KCNQ5: variants seen among roughly 807,000 people sequenced by gnomAD.
KCNQ5 encodes the protein potassium voltage-gated channel subfamily KQT member 5.
In KCNQ5, 30 loss-of-function variants were observed where a neutral mutation model predicts 98.2. The ratio of observed to expected loss-of-function variants is 0.31; its 90% CI spans 0.23 to 0.41. The LOEUF is 0.41. KCNQ5 is among the 10% of genes least tolerant of loss of function. The pLI is 1.00. For missense variants in KCNQ5, 835 were observed against 1,182.5 expected, an observed-to-expected ratio of 0.71 and a Z score of 4.31; for synonymous variants, 458 against 449.4, an observed-to-expected ratio of 1.02 and a Z score of -0.24.
chr6:73,198,213 G>C lies in KCNQ5; in HGVS notation c.*2799G>C, dbSNP rs1453805784. 6.6e-6 allele frequency: 1 copy of C among 152,128 alleles called. No individual in the cohort carries two copies. Among genetic ancestry groups the C allele is most frequent in the African/African-American group, 2.4e-5 (1 of 41,412 alleles). The allele number at this position is 152,128 out of a possible 1,614,324, so 9.4% of individuals were successfully genotyped here. A position where few individuals can be genotyped will look rare whatever the true frequency, so the allele number is the denominator to read the frequency against. On this transcript the variant is annotated 3_prime_UTR_variant, in exon 14 of 14. Transcript: ENST00000370398. ...GTGTCTGCCTTCTTCAACATGTAGG[G>C]TTGATCAAGCTAATACTTAATTGCA... is the stretch of plus-strand genomic sequence containing the variant.
intron 1 of KCNQ5, among the ~76,000 whole-genome samples, chr6:72,977,465 T>G (rs980220006): frequency 4.6e-5 from 7 of 152,168 alleles, no homozygotes; most frequent in African/African-American, 1.7e-4. Context: ...AAAAGCCAGA[T>G]GAATGAGTCT....
chr6:72,653,882 C>T (rs1766001588), intron 1 of KCNQ5, among the ~76,000 whole-genome samples: 1 of 151,940 alleles, frequency 6.6e-6, no homozygotes, highest in African/African-American at 2.4e-5. Flanking sequence ...TATCTTTGTA[C>T]TCAATAAATA....
At chr6:72,821,324 CA>C (rs746170459) in intron 1 of KCNQ5, among the ~76,000 whole-genome samples, 17 of 152,176 alleles carry the variant, frequency 1.1e-4, no homozygotes, top group Non-Finnish European at 1.6e-4. Flanking sequence ...AGAAGGAATA[CA>C]AGAGATCCAT....
intron 1 of KCNQ5, among the ~76,000 whole-genome samples, chr6:72,878,430 C>T (rs902064694): frequency 6.6e-6 from 1 of 151,872 alleles, no homozygotes; most frequent in Non-Finnish European, 1.5e-5. Context: ...GCTTTTTTTC[C>T]CCCCTTACAG....
rs143690965 is a variant in KCNQ5 at position 72,670,645 on chromosome 6, G to C, written c.398+48058G>C. 2.8e-3 allele frequency among the ~76,000 whole-genome samples: 420 copies of C among 152,336 alleles called. 2 individuals carry two copies. In the Middle Eastern group the frequency reaches 0.037, roughly 14 times the overall value. On this transcript the variant is annotated intron_variant, in intron 1 of 13. Coordinates refer to ENST00000370398, the MANE Select transcript of KCNQ5 (RefSeq NM_019842.4). ...ACAGTTCTGGATGCTAGAAGTCCCA[G>C]AGTGAGGTGCCAGCCAGTTCGGTTC...
chr6:73,129,354 A>T (rs1582410930), intron 9 of KCNQ5, among the ~76,000 whole-genome samples: 1 of 152,368 alleles, frequency 6.6e-6, no homozygotes, highest in Non-Finnish European at 1.5e-5. Flanking sequence ...TATATCAACT[A>T]TAAATGCAGA....
intron 1 of KCNQ5, among the ~76,000 whole-genome samples, chr6:72,912,528 T>A (rs1394924876): frequency 1.3e-5 from 2 of 152,230 alleles, no homozygotes; most frequent in Admixed American, 6.5e-5. Context: ...GTTACCATAC[T>A]AATTTGGGTT....
intron 5 of KCNQ5, among the ~76,000 whole-genome samples, chr6:73,095,858 G>A (rs1304918271): frequency 2.0e-5 from 3 of 152,150 alleles, no homozygotes; most frequent in Non-Finnish European, 2.9e-5. Flanking sequence ...TTCCTGCAGG[G>A]GGTCTGTGGG....
intron 1 of KCNQ5, among the ~76,000 whole-genome samples, chr6:72,746,860 A>G (rs960447838): frequency 6.6e-6 from 1 of 152,182 alleles, no homozygotes; most frequent in Non-Finnish European, 1.5e-5. Flanking sequence ...TATACCATAC[A>G]TTATAGATAC....
intron 1 of KCNQ5, among the ~76,000 whole-genome samples, chr6:72,661,752 T>C (rs1020011438): frequency 3.9e-5 from 6 of 152,172 alleles, no homozygotes; most frequent in African/African-American, 1.4e-4. Context: ...TTGGTCAGTT[T>C]ATTTAATCTC....
intron 1 of KCNQ5, among the ~76,000 whole-genome samples, chr6:72,868,392 A>G (rs1472938862): frequency 6.6e-6 from 1 of 152,200 alleles, no homozygotes; most frequent in East Asian, 1.9e-4. Context: ...TGGGTCTCTA[A>G]GCCCCAAGAA....
chr6:72,632,388 G>C (rs12205254), intron 1 of KCNQ5, among the ~76,000 whole-genome samples: 23,973 of 151,840 alleles, frequency 0.16, 2,103 homozygotes, highest in Middle Eastern at 0.24. Context: ...TGATCCGCCC[G>C]CCTCAGCCTC....
At chr6:73,006,700 T>G (rs2150325464) in intron 2 of KCNQ5, among the ~76,000 whole-genome samples, 1 of 152,224 alleles carries the variant, frequency 6.6e-6, no homozygotes, top group South Asian at 2.1e-4. Context: ...GTACAATAAA[T>G]CCACATTTGT....
At chr6:72,857,905 T>C (rs1777597639) in intron 1 of KCNQ5, among the ~76,000 whole-genome samples, 1 of 152,236 alleles carries the variant, frequency 6.6e-6, no homozygotes. Flanking sequence ...GAATGCCTAC[T>C]ATGTGCTGGG....
intron 1 of KCNQ5, among the ~76,000 whole-genome samples, chr6:72,779,968 G>A (rs1773376158): frequency 6.6e-6 from 1 of 151,862 alleles, no homozygotes; most frequent in Non-Finnish European, 1.5e-5. Context: ...CCAAAGTGCT[G>A]GGATTACAGG....
intron 1 of KCNQ5, among the ~76,000 whole-genome samples, chr6:72,633,607 C>G (rs571892576): frequency 2.6e-5 from 4 of 152,154 alleles, no homozygotes; most frequent in African/African-American, 9.7e-5. Flanking sequence ...GCAAAAAGAA[C>G]AAAGCTGGAG....
chr6:72,822,885 C>T (rs1775819591), intron 1 of KCNQ5, among the ~76,000 whole-genome samples: 1 of 152,100 alleles, frequency 6.6e-6, no homozygotes, highest in African/African-American at 2.4e-5. Context: ...TTCCACATTC[C>T]ACAAACCACC....
intron 1 of KCNQ5, among the ~76,000 whole-genome samples, chr6:72,768,782 T>C (rs1156639490): frequency 6.6e-6 from 1 of 152,094 alleles, no homozygotes; most frequent in Admixed American, 6.6e-5. Context: ...TGTGCATTAA[T>C]GTATTAAATT....
At chr6:72,849,649 T>TA (rs1562023053) in intron 1 of KCNQ5, among the ~76,000 whole-genome samples, 2 of 152,226 alleles carry the variant, frequency 1.3e-5, no homozygotes, top group South Asian at 4.1e-4. Context: ...CAGACAGAAA[T>TA]AAAAAATTCC....
Sources: allele counts gnomAD v4.1 joint callset (sites outside exome capture counted in the v4.1 genomes callset), GRCh38; gene constraint gnomAD v4.1.1; transcripts MANE v1.5; gene names NCBI Gene and HGNC (gene_info 2026-07-23, HGNC 2026-07-21).